HCN1: variants seen among roughly 807,000 people sequenced by gnomAD.
The protein encoded by HCN1 is hyperpolarization activated cyclic nucleotide gated potassium channel 1.
Under a neutral mutation model 78.9 loss-of-function variants are expected in HCN1, and 13 were observed. The observed-to-expected ratio is 0.16, with a 90% CI of 0.11 to 0.26. The LOEUF (loss-of-function observed/expected upper bound fraction) is 0.26. HCN1 is among the 10% of genes least tolerant of loss of function. The pLI is 1.00. For synonymous variants in HCN1, 552 were observed against 455.5 expected (o/e 1.21, Z -2.70); for missense variants, 810 against 1,154.3 (o/e 0.70, Z 4.32).
chr5:45,344,734 C>A (rs772144784), intron 5 of HCN1, among the ~76,000 whole-genome samples: 15 of 152,226 alleles, frequency 9.9e-5, no homozygotes, highest in Non-Finnish European at 2.1e-4. Flanking sequence ...TGGCCTTGGG[C>A]AGCTCTATCC....
At chr5:45,284,218 C>T (rs929262252) in intron 6 of HCN1, among the ~76,000 whole-genome samples, 1 of 151,994 alleles carries the variant, frequency 6.6e-6, no homozygotes, top group African/African-American at 2.4e-5. Context: ...AAATAATCTG[C>T]ACAACCAATC....
chr5:45,335,702 G>C lies in HCN1; in HGVS notation c.1377+17398C>G, dbSNP rs72762031. Among the ~76,000 whole-genome samples, 5 of 152,184 alleles carry C rather than the reference G, an allele frequency of 3.3e-5. No individual in the cohort carries two copies. The East Asian group carries it at 9.7e-4, about 29-fold the overall frequency. On this transcript the variant is annotated intron_variant, in intron 5 of 7. Coordinates refer to ENST00000303230, the MANE Select transcript of HCN1 (RefSeq NM_021072.4). ...TTTCACTGCATTGTAGTAACATTAA[G>C]AGTTAAATTCTACTGTGTACTTACT...
intron 2 of HCN1, 112 bp from the exon 3 acceptor site, chr5:45,462,119 A>G: frequency 1.3e-6 from 1 of 793,310 alleles, no homozygotes; most frequent in Admixed American, 2.4e-5. Context: ...TTTAATAAAA[A>G]TATGGGAATA....
chr5:45,531,112 T>C lies in HCN1; in HGVS notation c.850-69105A>G, dbSNP rs1180354678. 7.2e-5 allele frequency among the ~76,000 whole-genome samples: 11 copies of C among 152,006 alleles called. No homozygotes were observed. In the East Asian group the frequency reaches 1.7e-3, roughly 24 times the overall value. ...CATCACATGAAAAAAACAGCAATAA[T>C]GGTCATGCTTACAATTGTATCATTA... On this transcript the variant is annotated intron_variant, in intron 2 of 7. Coordinates refer to ENST00000303230, the MANE Select transcript of HCN1 (RefSeq NM_021072.4).
chr5:45,449,231 A>G (rs189274545), intron 3 of HCN1, among the ~76,000 whole-genome samples: 2 of 152,350 alleles, frequency 1.3e-5, no homozygotes, highest in East Asian at 1.9e-4. Context: ...ATGTTAAGTC[A>G]GTTGTCCAAG....
At chr5:45,401,854 G>A (rs1325542958) in intron 3 of HCN1, among the ~76,000 whole-genome samples, 1 of 151,784 alleles carries the variant, frequency 6.6e-6, no homozygotes, top group African/African-American at 2.4e-5. Context: ...GCTCTGTTTA[G>A]CCACTTTTAT....
intron 2 of HCN1, among the ~76,000 whole-genome samples, chr5:45,567,373 T>C (rs1395358124): frequency 2.0e-5 from 3 of 152,042 alleles, no homozygotes; most frequent in African/African-American, 4.8e-5. Flanking sequence ...ACAAGCAACT[T>C]TCTTACAGGG....
At chr5:45,648,579 G>A (rs2112036882) in intron 1 of HCN1, among the ~76,000 whole-genome samples, 1 of 152,110 alleles carries the variant, frequency 6.6e-6, no homozygotes, top group African/African-American at 2.4e-5. Context: ...TTCTAGAAGT[G>A]CAATATACCT....
chr5:45,453,590 T>G (rs182607996), intron 3 of HCN1, among the ~76,000 whole-genome samples: 118 of 152,214 alleles, frequency 7.8e-4, no homozygotes, highest in Middle Eastern at 3.4e-3. Context: ...GATGAAGTTG[T>G]CTGGGGCTCA....
At chr5:45,609,428 A>G (rs1317874517) in intron 2 of HCN1, among the ~76,000 whole-genome samples, 1 of 152,092 alleles carries the variant, frequency 6.6e-6, no homozygotes, top group East Asian at 1.9e-4. Flanking sequence ...TCCCTTTGTC[A>G]TGCTGGATTA....
chr5:45,548,760 T>C (rs1336955214), intron 2 of HCN1, among the ~76,000 whole-genome samples: 2 of 152,004 alleles, frequency 1.3e-5, no homozygotes, highest in Non-Finnish European at 2.9e-5. Flanking sequence ...TTGTCTCAGC[T>C]CAAAATCTCC....
intron 2 of HCN1, among the ~76,000 whole-genome samples, chr5:45,514,872 T>A (rs1483311): frequency 0.24 from 37,191 of 151,936 alleles, 4,673 homozygotes; most frequent in East Asian, 0.32. Context: ...CATGAGGCAT[T>A]CATTGCAAAT....
chr5:45,485,990 A>G (rs995820106), intron 2 of HCN1, among the ~76,000 whole-genome samples: 2 of 152,210 alleles, frequency 1.3e-5, no homozygotes, highest in Non-Finnish European at 2.9e-5. Context: ...TGAGTTATGC[A>G]CTATCAGTAT....
In HCN1 at chr5:45,365,398, C is replaced by A. The variant is rs182818548; in HGVS notation, c.1231-12152G>T. Among the ~76,000 whole-genome samples, 3 of 152,000 alleles carry A rather than the reference C, an allele frequency of 2.0e-5. No individual in the cohort carries two copies. In the East Asian group the frequency reaches 5.8e-4, roughly 29 times the overall value. On this transcript the variant is annotated intron_variant, in intron 4 of 7. Coordinates refer to ENST00000303230, the MANE Select transcript of HCN1 (RefSeq NM_021072.4). Reference sequence around the variant, plus strand: ...AGACTATTATCTCTATCTTTATGTCCATATGTACCCATTGTTTTGCTCACA... The same window carrying A: ...AGACTATTATCTCTATCTTTATGTCAATATGTACCCATTGTTTTGCTCACA...
chr5:45,628,631 ACT>A (rs1745216104), intron 2 of HCN1, among the ~76,000 whole-genome samples: 1 of 152,180 alleles, frequency 6.6e-6, no homozygotes, highest in Non-Finnish European at 1.5e-5. Context: ...AAATAAAAAG[ACT>A]CAACTATATA....
At chr5:45,549,959 C>A (rs1010731408) in intron 2 of HCN1, among the ~76,000 whole-genome samples, 51 of 152,250 alleles carry the variant, frequency 3.3e-4, no homozygotes, top group Admixed American at 2.0e-4. Flanking sequence ...TACCATCTCA[C>A]ACCAGTTAGA....
At chr5:45,440,285 G>A (rs1260104006) in intron 3 of HCN1, among the ~76,000 whole-genome samples, 1 of 151,768 alleles carries the variant, frequency 6.6e-6, no homozygotes, top group South Asian at 2.1e-4. Context: ...GAACTCCCAG[G>A]GTAAGATAAT....
chr5:45,586,330 G>A (rs193165082), intron 2 of HCN1, among the ~76,000 whole-genome samples: 55 of 152,280 alleles, frequency 3.6e-4, no homozygotes, highest in African/African-American at 1.2e-3. Context: ...AGCCAAGCAC[G>A]GGATAAAATC....
chr5:45,416,791 CA>C (rs1486567991), intron 3 of HCN1, among the ~76,000 whole-genome samples: 1 of 151,766 alleles, frequency 6.6e-6, no homozygotes, highest in Non-Finnish European at 1.5e-5. Flanking sequence ...ATAAAAGTGG[CA>C]AAAGTTTTCC....
Sources: gnomAD v4.1 joint callset for allele counts (sites outside exome capture counted in the v4.1 genomes callset) on GRCh38, gnomAD v4.1.1 for gene constraint, MANE v1.5 for transcripts, NCBI Gene and HGNC (gene_info 2026-07-23, HGNC 2026-07-21) for gene names.